Variants in NTRK3 observed in about 807,000 individuals in gnomAD.
The protein encoded by NTRK3 is NT-3 growth factor receptor.
A neutral mutation model predicts 91.7 loss-of-function variants in NTRK3; 24 were observed. That is an observed-to-expected ratio of 0.26 (90% CI 0.19 to 0.37). NTRK3 has a LOEUF of 0.37. Ranked by LOEUF, NTRK3 falls within the 10% of genes least tolerant of loss-of-function variation. NTRK3 has a pLI of 1.00. For missense variants in NTRK3, 880 were observed against 1,068.9 expected (o/e 0.82, Z 2.46); for synonymous variants, 483 against 404.0 (o/e 1.20, Z -2.34).
chr15:87,891,888 C>T (rs1487092214), intron 17 of NTRK3, among the ~76,000 whole-genome samples: 1 of 152,142 alleles, frequency 6.6e-6, no homozygotes, highest in African/African-American at 2.4e-5. Context: ...ATGTAATAGG[C>T]AGAGATACAG....
At chr15:88,249,840 C>A (rs1049535389) in intron 3 of NTRK3, among the ~76,000 whole-genome samples, 13 of 152,210 alleles carry the variant, frequency 8.5e-5, no homozygotes, top group Non-Finnish European at 1.9e-4. Context: ...GCTGATCACT[C>A]AGTTCATCAC....
chr15:88,138,366 C>T (rs1156586532), intron 6 of NTRK3, among the ~76,000 whole-genome samples: 1 of 152,106 alleles, frequency 6.6e-6, no homozygotes, highest in Non-Finnish European at 1.5e-5. Flanking sequence ...GCCGAGATTG[C>T]ACCACTGCAC....
In NTRK3 at chr15:87,868,308, C is replaced by G. The variant is rs1177125632; in HGVS notation, c.*8627G>C. 15 of 227,654 alleles carry G rather than the reference C, an allele frequency of 6.6e-5. No individual in the cohort carries two copies. In the East Asian group the frequency reaches 9.5e-4, roughly 14 times the overall value. 14.1% of individuals were successfully genotyped at this position (227,654 alleles called of 1,614,324 possible). On this transcript the variant is annotated 3_prime_UTR_variant, in exon 19 of 19. Coordinates refer to ENST00000394480, the Ensembl canonical transcript of NTRK3. ...CTTTTAAATAAAGTCATCAAGATTG[C>G]CTCCGTATGATTTTTACCTTTTTCA...
intron 13 of NTRK3, among the ~76,000 whole-genome samples, chr15:88,053,906 C>T (rs558335505): frequency 1.3e-5 from 2 of 152,308 alleles, no homozygotes; most frequent in Admixed American, 6.5e-5. Context: ...GTTCTCTTCC[C>T]TGAGACCAGG....
At chr15:88,222,207 G>A (rs762373077) in intron 3 of NTRK3, among the ~76,000 whole-genome samples, 6 of 152,232 alleles carry the variant, frequency 3.9e-5, no homozygotes, top group Non-Finnish European at 7.3e-5. Context: ...GTGCCCAGCT[G>A]TAACACATAC....
At chr15:88,023,431 C>T (rs1380030290) in intron 14 of NTRK3, among the ~76,000 whole-genome samples, 1 of 152,156 alleles carries the variant, frequency 6.6e-6, no homozygotes, top group Non-Finnish European at 1.5e-5. Context: ...GGAGACAATA[C>T]TAATTTATGT....
intron 3 of NTRK3, among the ~76,000 whole-genome samples, chr15:88,223,029 G>T (rs1024814631): frequency 6.6e-6 from 1 of 152,186 alleles, no homozygotes; most frequent in African/African-American, 2.4e-5. Flanking sequence ...AGGAGATGGG[G>T]CGATGGGGCT....
chr15:88,180,545 T>C (rs1292152676), intron 5 of NTRK3, among the ~76,000 whole-genome samples: 5 of 152,088 alleles, frequency 3.3e-5, no homozygotes, highest in Non-Finnish European at 7.4e-5. Context: ...AACGCAACAG[T>C]AGCTTAGGGG....
intron 13 of NTRK3, among the ~76,000 whole-genome samples, chr15:88,082,631 TC>T (rs1399094665): frequency 1.3e-5 from 2 of 152,358 alleles, no homozygotes; most frequent in East Asian, 1.9e-4. Context: ...ATGTCTGGCT[TC>T]TTTCACTCAA....
chr15:88,229,212 C>T (rs1435701234), intron 3 of NTRK3, among the ~76,000 whole-genome samples: 2 of 152,196 alleles, frequency 1.3e-5, no homozygotes, highest in African/African-American at 2.4e-5. Context: ...GCAAGCCTGT[C>T]TGATTACATA....
At chr15:88,010,412 T>A (rs1443142316) in intron 14 of NTRK3, among the ~76,000 whole-genome samples, 4 of 152,176 alleles carry the variant, frequency 2.6e-5, no homozygotes, top group African/African-American at 9.6e-5. Flanking sequence ...GCCTCTATAA[T>A]GATTTAAGAT....
intron 4 of NTRK3, among the ~76,000 whole-genome samples, chr15:88,183,701 G>C (rs970848456): frequency 4.6e-5 from 7 of 152,198 alleles, no homozygotes; most frequent in African/African-American, 1.7e-4. Flanking sequence ...CGTGAGGCTG[G>C]GAGGTCAGGG....
intron 14 of NTRK3, chr15:87,978,903 A>G (rs1195991465): frequency 6.5e-6 from 2 of 307,030 alleles, no homozygotes; most frequent in African/African-American, 4.3e-5. Flanking sequence ...AGAGGACAGC[A>G]TGGTATCCTG....
At chr15:88,231,648 G>A (rs541771889) in intron 3 of NTRK3, among the ~76,000 whole-genome samples, 2 of 152,264 alleles carry the variant, frequency 1.3e-5, no homozygotes, top group African/African-American at 4.8e-5. Flanking sequence ...GTGTAAGAGA[G>A]GTGCTGAACC....
chr15:87,987,943 G>GAATTACGTAAAGAATTACGTA (rs2074968708), intron 14 of NTRK3, among the ~76,000 whole-genome samples: 2 of 152,028 alleles, frequency 1.3e-5, no homozygotes, highest in Admixed American at 6.5e-5. Flanking sequence ...CTCCCTTACA[G>GAATTACGTAAAGAATTACGTA]AAGAATTACG....
chr15:88,256,613 CACACACACTCACTCTCACACAT>C lies in NTRK3; in HGVS notation c.-219+9_-219+30del. 1 of 470,526 alleles carries C rather than the reference CACACACACTCACTCTCACACAT, an allele frequency of 2.1e-6. No individual in the cohort carries two copies. Among genetic ancestry groups the C allele is most frequent in the South Asian group, 5.6e-5 (1 of 17,724 alleles). 29.1% of individuals were successfully genotyped at this position (470,526 alleles called of 1,614,324 possible). A position where few individuals can be genotyped will look rare whatever the true frequency, so the allele number is the denominator to read the frequency against. On this transcript the variant is annotated intron_variant, in intron 1 of 18. Transcript: ENST00000394480. ...ACGGACACACCACGCACCTGCAAAA[CACACACACTCACTCTCACACAT>C]ACACACACCCGGAGCCCGAGGAAAG...
intron 5 of NTRK3, among the ~76,000 whole-genome samples, chr15:88,177,197 G>A (rs1479586939): frequency 6.6e-6 from 1 of 152,202 alleles, no homozygotes; most frequent in Non-Finnish European, 1.5e-5. Flanking sequence ...CTGTGGCCAT[G>A]GAAAGGGGCT....
At chr15:88,113,421 T>G (rs1333484939) in intron 13 of NTRK3, among the ~76,000 whole-genome samples, 1 of 150,608 alleles carries the variant, frequency 6.6e-6, no homozygotes, top group Non-Finnish European at 1.5e-5. Flanking sequence ...GTTCAAGTGA[T>G]TCTCCTGCCT....
intron 3 of NTRK3, among the ~76,000 whole-genome samples, chr15:88,246,018 G>A (rs1228194344): frequency 1.3e-5 from 2 of 152,202 alleles, no homozygotes; most frequent in African/African-American, 4.8e-5. Context: ...ACTGCCTGCA[G>A]CCCCAGGTCA....
Sources: gnomAD v4.1 joint callset for allele counts (sites outside exome capture counted in the v4.1 genomes callset) on GRCh38, gnomAD v4.1.1 for gene constraint, MANE v1.5 for transcripts, NCBI Gene and HGNC (gene_info 2026-07-23, HGNC 2026-07-21) for gene names.